The following SYCP2 variants were observed in gnomAD, a reference collection of about 807,000 sequenced individuals.
SYCP2 encodes the protein synaptonemal complex lateral element protein.
A neutral mutation model predicts 211.3 loss-of-function variants in SYCP2; 55 were observed. That is an observed-to-expected ratio of 0.26 (90% CI 0.21 to 0.33). SYCP2 has a LOEUF of 0.33. Among genes scored for constraint, SYCP2 ranks in the 10% least tolerant of loss-of-function variants. The pLI is 1.00. For synonymous variants in SYCP2, 570 were observed against 555.2 expected, an observed-to-expected ratio of 1.03 and a Z score of -0.37; for missense variants, 1,731 against 1,752.0, an observed-to-expected ratio of 0.99 and a Z score of 0.21.
chr20:59,932,950 C>A (rs2060794367), intron 1 of SYCP2, among the ~76,000 whole-genome samples: 2 of 152,092 alleles, frequency 1.3e-5, no homozygotes, highest in South Asian at 4.1e-4. Flanking sequence ...CCGGCAGTGG[C>A]AACAACGAGG....
At chr20:59,911,662 A>G in intron 14 of SYCP2, 88 bp downstream of exon 14, 1 of 524,472 alleles carries the variant, frequency 1.9e-6, no homozygotes, top group South Asian at 5.6e-5. Flanking sequence ...ACTGGCTAGA[A>G]CATATAAAGA....
rs773356947 is a variant in SYCP2 at position 59,867,853 on chromosome 20, A to C, written c.3989-6T>G. On this transcript the variant is annotated splice_region_variant and splice_polypyrimidine_tract_variant and intron_variant, in intron 38 of 44. Coordinates refer to ENST00000357552, the MANE Select transcript of SYCP2 (RefSeq NM_014258.4). The stretch of plus-strand genomic sequence containing the variant: ...TGAAGATACACTTTCAGACACTAAA[A>C]AATGAAAACAATCTGCTGAAGTTAA... 1 of 1,593,242 alleles carries C rather than the reference A, an allele frequency of 6.3e-7. No individual in the cohort carries two copies. Among genetic ancestry groups the C allele is most frequent in the East Asian group, 2.3e-5 (1 of 44,444 alleles).
At chr20:59,868,796 A>T (rs1412765539) in intron 37 of SYCP2, 39 bp downstream of exon 37, 2 of 1,505,930 alleles carry the variant, frequency 1.3e-6, no homozygotes. Flanking sequence ...GTAGCATTTC[A>T]GTAATCATTT....
At chr20:59,883,845 A>G (rs115889102) in intron 26 of SYCP2, among the ~76,000 whole-genome samples, 1 of 152,072 alleles carries the variant, frequency 6.6e-6, no homozygotes, top group East Asian at 1.9e-4. Flanking sequence ...ATTGTATTAT[A>G]TAATAGTTTG....
intron 35 of SYCP2, among the ~76,000 whole-genome samples, chr20:59,870,481 C>A (rs12624570): frequency 6.6e-6 from 1 of 151,430 alleles, no homozygotes; most frequent in South Asian, 2.1e-4. Context: ...CCATAAAATA[C>A]TTAAGAATTA....
At chr20:59,915,136 A>C in intron 10 of SYCP2, 29 bp downstream of exon 10, 1 of 1,404,966 alleles carries the variant, frequency 7.1e-7, no homozygotes, top group Non-Finnish European at 1.0e-6. Flanking sequence ...AATATGGAAT[A>C]ATTTTAGATT....
At chr20:59,931,813 GC>G (rs1178902636) in intron 2 of SYCP2, among the ~76,000 whole-genome samples, 1 of 152,058 alleles carries the variant, frequency 6.6e-6, no homozygotes, top group Non-Finnish European at 1.5e-5. Context: ...ACACACGCAT[GC>G]CTCAAAGCTG....
chr20:59,867,680 G>A, intron 39 of SYCP2, 31 bp downstream of exon 39: 1 of 1,549,100 alleles, frequency 6.5e-7, no homozygotes, highest in East Asian at 2.3e-5. Context: ...TATATTATTG[G>A]GTATAAATCA....
intron 28 of SYCP2, 123 bp downstream of exon 28, chr20:59,881,822 T>G: frequency 1.5e-6 from 1 of 652,256 alleles, no homozygotes; most frequent in Non-Finnish European, 2.4e-6. Flanking sequence ...AATATTATTA[T>G]ATATTTCTTA....
intron 2 of SYCP2, among the ~76,000 whole-genome samples, chr20:59,928,773 C>T (rs1245028923): frequency 6.6e-6 from 1 of 151,932 alleles, no homozygotes; most frequent in Non-Finnish European, 1.5e-5. Flanking sequence ...GAAAAAATAA[C>T]ATTAGAAATC....
At position 59,868,400 on chromosome 20, in the gene SYCP2, C is replaced by T. The variant is rs755376316; in HGVS notation, c.3988+13G>A. 2 of 1,605,062 alleles carry T rather than the reference C, an allele frequency of 1.2e-6. No homozygotes were observed. The highest frequency in any genetic ancestry group is 4.5e-5 in the East Asian group (2 of 44,708). On this transcript the variant is annotated intron_variant, in intron 38 of 44. Coordinates refer to ENST00000357552, the MANE Select transcript of SYCP2 (RefSeq NM_014258.4). ...AATAACTGCATTTTGATACAGGCTA[C>T]TGATCTACCTACTTTTGTGGATATG...
rs749272398 is a variant in SYCP2, at chr20:59,881,448, C to A, written c.2703G>T (p.Arg901Ser). Reference sequence around the variant, plus strand: ...ATAAAAATACCTACAATCTAATTGACCTATCCGCACAAGCTTCTTTAGCTG... The same window carrying A: ...ATAAAAATACCTACAATCTAATTGAACTATCCGCACAAGCTTCTTTAGCTG... ...QATAKEACAD[R>S]SIRLVGPRNH... The change falls in exon 29 of 45, where the codon AGG becomes AGT. Residue 901 changes from arginine to serine, a missense_variant. Coordinates refer to ENST00000357552, the MANE Select transcript of SYCP2 (RefSeq NM_014258.4). 6.5e-7 allele frequency: 1 copy of A among 1,529,584 alleles called. No individual in the cohort carries two copies. Among genetic ancestry groups the A allele is most frequent in the South Asian group, 1.2e-5 (1 of 81,706 alleles). The allele number at this position is 1,529,584 out of a possible 1,614,324, so 94.8% of individuals were successfully genotyped here. A position where few individuals can be genotyped will look rare whatever the true frequency, so the allele number is the denominator to read the frequency against.
intron 20 of SYCP2, among the ~76,000 whole-genome samples, chr20:59,894,543 CAA>C (rs1335921546): frequency 2.6e-5 from 4 of 151,792 alleles, no homozygotes; most frequent in African/African-American, 9.7e-5. Context: ...CTATTAACAC[CAA>C]GACTACTAAG....
intron 23 of SYCP2, 67 bp downstream of exon 23, chr20:59,892,501 T>G (rs1600878514): frequency 6.6e-7 from 1 of 1,522,456 alleles, no homozygotes; most frequent in Non-Finnish European, 8.8e-7. Context: ...AAATTTGTTT[T>G]AATACTTGTT....
chr20:59,918,414 G>T (rs183553282), intron 7 of SYCP2, among the ~76,000 whole-genome samples: 1 of 152,272 alleles, frequency 6.6e-6, no homozygotes, highest in African/African-American at 2.4e-5. Context: ...ACACAAATTT[G>T]CAGGGAATAT....
chr20:59,915,599 C>T (rs758533953), intron 8 of SYCP2, 49 bp from the exon 9 acceptor site: 3 of 1,140,306 alleles, frequency 2.6e-6, no homozygotes, highest in Admixed American at 1.8e-5. Flanking sequence ...CAGTGAAACA[C>T]TATTAAGAGA....
chr20:59,879,818 AATAAATATAT>A (rs1409467373), intron 31 of SYCP2, among the ~76,000 whole-genome samples: 3,330 of 125,406 alleles, frequency 0.027, 56 homozygotes, highest in Middle Eastern at 0.047. Flanking sequence ...AGTAAATATA[AATAAATATAT>A]ATATATATAT....
chr20:59,890,609 G>C lies in SYCP2; in HGVS notation c.2364+1381C>G, dbSNP rs117594713. On this transcript the variant is annotated intron_variant, in intron 24 of 44. Transcript: ENST00000357552. Reference sequence around the variant, plus strand: ...AGGTAGGTAGGTAGGTAGGTAGGTAGAGACAGTGATTCATGAACTGGTGGG... The same window carrying C: ...AGGTAGGTAGGTAGGTAGGTAGGTACAGACAGTGATTCATGAACTGGTGGG... 9.6e-3 allele frequency among the ~76,000 whole-genome samples: 1,467 copies of C among 152,084 alleles called. 10 individuals carry two copies. Among genetic ancestry groups the C allele is most frequent in the Non-Finnish European group, 0.015 (1,052 of 67,950 alleles).
At position 59,864,368 on chromosome 20, in the gene SYCP2, A is replaced by G. The variant is rs1466913559; in HGVS notation, c.4536T>C (p.Asn1512=). 8.7e-6 allele frequency: 14 copies of G among 1,604,516 alleles called. No homozygotes were observed. Among genetic ancestry groups the G allele is most frequent in the African/African-American group, 8.1e-5 (6 of 74,246 alleles). ...ATACTGACATCAGTTCTCTGCGTAC[A>G]TTAAGAAGCTCCTCTTCTAGCTATA... ...LKDMLEEELL[N]VRRELMSVFM... is the part of the protein sequence containing the mutation. The change falls in exon 45 of 45, where the codon AAT becomes AAC. Residue 1512 remains asparagine, a synonymous_variant. Coordinates refer to ENST00000357552, the MANE Select transcript of SYCP2 (RefSeq NM_014258.4).
Sources: gnomAD v4.1 joint callset for allele counts (sites outside exome capture counted in the v4.1 genomes callset) on GRCh38, gnomAD v4.1.1 for gene constraint, MANE v1.5 for transcripts, NCBI Gene and HGNC (gene_info 2026-07-23, HGNC 2026-07-21) for gene names.